SCAI: variants seen among roughly 807,000 people sequenced by gnomAD.
SCAI encodes the protein protein SCAI.
In SCAI, 24 loss-of-function variants were observed where a neutral mutation model predicts 92.2. The ratio of observed to expected loss-of-function variants is 0.26; its 90% CI spans 0.19 to 0.37. The LOEUF (loss-of-function observed/expected upper bound fraction) is 0.37. Ranked by LOEUF, SCAI falls within the 10% of genes least tolerant of loss-of-function variation. SCAI has a pLI of 1.00. For missense variants in SCAI, 450 were observed against 736.2 expected, an observed-to-expected ratio of 0.61 and a Z score of 4.50; for synonymous variants, 261 against 258.6, an observed-to-expected ratio of 1.01 and a Z score of -0.09.
chr9:124,981,736 A>G (rs1831890333), intron 14 of SCAI, among the ~76,000 whole-genome samples: 2 of 151,456 alleles, frequency 1.3e-5, no homozygotes, highest in South Asian at 4.2e-4. Flanking sequence ...CGCAGTCTTT[A>G]TCTTCTGAAC....
At chr9:124,976,917 G>A (rs1831769206) in intron 14 of SCAI, among the ~76,000 whole-genome samples, 1 of 151,372 alleles carries the variant, frequency 6.6e-6, no homozygotes, top group Non-Finnish European at 1.5e-5. Flanking sequence ...TGCCCAGGCT[G>A]GAGTGCAATG....
chr9:125,094,077 C>T (rs550310633), intron 2 of SCAI, among the ~76,000 whole-genome samples: 28 of 152,134 alleles, frequency 1.8e-4, no homozygotes, highest in African/African-American at 6.0e-4. Flanking sequence ...TCCAGTTGTT[C>T]GGGTACAGTT....
chr9:124,985,633 AG>A (rs1831974510), intron 14 of SCAI, among the ~76,000 whole-genome samples: 1 of 151,954 alleles, frequency 6.6e-6, no homozygotes, highest in African/African-American at 2.4e-5. Flanking sequence ...TTTGGGAGGC[AG>A]AGGCGGGCAG....
intron 2 of SCAI, among the ~76,000 whole-genome samples, chr9:125,058,799 A>C (rs951216634): frequency 6.6e-6 from 1 of 152,234 alleles, no homozygotes; most frequent in Non-Finnish European, 1.5e-5. Flanking sequence ...GAAAAAGTAC[A>C]GGATCAATCT....
chr9:125,070,806 A>C (rs1166766827), intron 2 of SCAI, among the ~76,000 whole-genome samples: 4 of 152,142 alleles, frequency 2.6e-5, no homozygotes, highest in Non-Finnish European at 1.5e-5. Context: ...AGGTAGGAGG[A>C]ACACTTGAGG....
chr9:125,102,878 G>A (rs1411851833), intron 2 of SCAI, among the ~76,000 whole-genome samples: 5 of 152,072 alleles, frequency 3.3e-5, no homozygotes, highest in Admixed American at 6.6e-5. Context: ...GATTACAGGC[G>A]TGAGGCACCG....
At chr9:125,108,497 T>C (rs1385205726) in intron 2 of SCAI, among the ~76,000 whole-genome samples, 1 of 129,384 alleles carries the variant, frequency 7.7e-6, no homozygotes, top group African/African-American at 3.0e-5. Flanking sequence ...CCGTCTGGGA[T>C]GTGAGGAGCG....
Position 124,946,222 on chromosome 9 carries a change from G to A in SCAI, c.*6585C>T, listed in dbSNP as rs1831143726. ...AAACAACAAACCATCAGATCCTATG[G>A]ATGTTTTCACTGATTTTTCAGAAAT... On this transcript the variant is annotated 3_prime_UTR_variant, in exon 18 of 18. Coordinates refer to ENST00000336505, the MANE Select transcript of SCAI (RefSeq NM_001144877.3). This position sits in a 1 kb window ranked among gnomAD's most constrained non-coding sequence, Gnocchi z 4.0. 1 of 152,032 alleles carries A rather than the reference G, an allele frequency of 6.6e-6. No homozygotes were observed. The highest frequency in any genetic ancestry group is 2.4e-5 in the African/African-American group (1 of 41,390). The allele number at this position is 152,032 out of a possible 1,614,324, so 9.4% of individuals were successfully genotyped here. A position where few individuals can be genotyped will look rare whatever the true frequency, so the allele number is the denominator to read the frequency against.
In SCAI at chr9:124,990,943, A is replaced by G. The variant is rs551922896; in HGVS notation, c.1326+3991T>C. ...CACCCCAGGTGAAGTGATCAGAATC[A>G]CAGGAGGTGGATGGGACCCAGCTAC... On this transcript the variant is annotated intron_variant, in intron 14 of 17. Transcript: ENST00000336505. Among the ~76,000 whole-genome samples, 136 of 152,320 alleles carry G rather than the reference A, an allele frequency of 8.9e-4. 1 individual carries two copies. The highest frequency in any genetic ancestry group is 1.9e-3 in the Admixed American group (29 of 15,288).
chr9:125,126,589 T>A (rs10986576), intron 2 of SCAI, among the ~76,000 whole-genome samples: 83 of 143,238 alleles, frequency 5.8e-4, no homozygotes, highest in South Asian at 1.1e-3. Flanking sequence ...TGTGTGTGTG[T>A]GAGAGAGAGA....
Position 125,018,811 on chromosome 9 carries a change from A to G in SCAI, c.849T>C (p.Asn283=), listed in dbSNP as rs768984276. The change falls in exon 9 of 18, where the codon AAT becomes AAC. Residue 283 remains asparagine (N), a synonymous_variant. Transcript: ENST00000336505. ...CACAATTCTTTACCTGATTATTACA[A>G]TTACCAATAATGAGTGCGTCAGCCA... ...LSLADALIIG[N]CNNQVKFSEL... 8 of 1,608,156 alleles carry G rather than the reference A, an allele frequency of 5.0e-6. No individual in the cohort carries two copies. In the African/African-American group the frequency reaches 1.1e-4, roughly 22 times the overall value.
At chr9:124,971,556 T>C in intron 16 of SCAI, 86 bp from the exon 17 acceptor site, 2 of 1,400,030 alleles carry the variant, frequency 1.4e-6, no homozygotes, top group South Asian at 1.3e-5. Flanking sequence ...GAAAGCGTTC[T>C]CAACTTTCCT....
chr9:124,957,616 C>T (rs912148010), intron 17 of SCAI, among the ~76,000 whole-genome samples: 29 of 151,442 alleles, frequency 1.9e-4, no homozygotes, highest in Non-Finnish European at 2.8e-4. Context: ...GTGATCCGCC[C>T]GCCTCTGCCT....
chr9:125,053,434 T>A (rs1833603673), intron 3 of SCAI, among the ~76,000 whole-genome samples: 1 of 152,236 alleles, frequency 6.6e-6, no homozygotes, highest in Non-Finnish European at 1.5e-5. Context: ...TATCAACTGA[T>A]GACTGGACAA....
chr9:125,033,121 C>G (rs1294961624), intron 3 of SCAI, among the ~76,000 whole-genome samples: 4 of 151,812 alleles, frequency 2.6e-5, no homozygotes, highest in African/African-American at 9.7e-5. Flanking sequence ...ATTGGCTACT[C>G]AGGAGGCTGA....
intron 3 of SCAI, among the ~76,000 whole-genome samples, chr9:125,037,810 G>A (rs1252578458): frequency 6.6e-6 from 1 of 152,128 alleles, no homozygotes; most frequent in Non-Finnish European, 1.5e-5. Flanking sequence ...CAGCTACTTG[G>A]GAGGCTGAGA....
chr9:125,127,774 G>C (rs1485825528), intron 2 of SCAI, among the ~76,000 whole-genome samples: 1 of 152,180 alleles, frequency 6.6e-6, no homozygotes, highest in Non-Finnish European at 1.5e-5. Flanking sequence ...TTGGGAGGCA[G>C]AGGTGGGTGG....
At chr9:125,082,388 C>A (rs1834239436) in intron 2 of SCAI, among the ~76,000 whole-genome samples, 1 of 152,162 alleles carries the variant, frequency 6.6e-6, no homozygotes, top group Admixed American at 6.5e-5. Flanking sequence ...GGGGCGGGGC[C>A]CTCATGGAGA....
At chr9:124,983,509 C>T (rs1831928877) in intron 14 of SCAI, among the ~76,000 whole-genome samples, 1 of 151,982 alleles carries the variant, frequency 6.6e-6, no homozygotes, top group Admixed American at 6.6e-5. Flanking sequence ...TGTGCCACCA[C>T]ACCCGGCTAA....
Sources: gnomAD v4.1 joint callset for allele counts (sites outside exome capture counted in the v4.1 genomes callset) on GRCh38, gnomAD v4.1.1 for gene constraint, Gnocchi (gnomAD v3.1) non-coding constraint, MANE v1.5 for transcripts, NCBI Gene and HGNC (gene_info 2026-07-23, HGNC 2026-07-21) for gene names.